The following CFAP210 variants were observed in gnomAD, a reference collection of about 807,000 sequenced individuals.
CFAP210 encodes cilia and flagella associated protein 210, also known as cilia- and flagella- associated protein 210.
At chr2:169,689,184 A>G in the CFAP210 span, among the ~76,000 whole-genome samples, 3 of 152,202 alleles carry the variant, frequency 2.0e-5, no homozygotes, top group Non-Finnish European at 4.4e-5. Flanking sequence ...GGTCCCTCCC[A>G]CAACTCATGG....
At chr2:169,661,208 C>T in the CFAP210 span, 15 of 574,200 alleles carry the variant, frequency 2.6e-5, no homozygotes, top group Non-Finnish European at 4.8e-5. Flanking sequence ...AACTTCTCAT[C>T]TGCTGGCTGC....
At chr2:169,648,336 G>T in the CFAP210 span, 1 of 167,046 alleles carries the variant, frequency 6.0e-6, no homozygotes, top group Non-Finnish European at 1.3e-5. Flanking sequence ...CATGTACAGA[G>T]TTTTAGTACA....
chr2:169,687,083 A>T, the CFAP210 span, among the ~76,000 whole-genome samples: 4 of 152,168 alleles, frequency 2.6e-5, no homozygotes, highest in Non-Finnish European at 4.4e-5. Context: ...ATTCACTATT[A>T]TAAGAATGGC....
At chr2:169,647,534 T>C in the CFAP210 span, among the ~76,000 whole-genome samples, 1 of 149,278 alleles carries the variant, frequency 6.7e-6, no homozygotes, top group Admixed American at 6.6e-5. Context: ...AACTGGAAAA[T>C]AAGGCAAAAA....
chr2:169,667,431 G>A, the CFAP210 span, among the ~76,000 whole-genome samples: 1 of 152,076 alleles, frequency 6.6e-6, no homozygotes, highest in Admixed American at 6.6e-5. Context: ...GAGCCACTGT[G>A]CCTGGCCCAA....
the CFAP210 span, among the ~76,000 whole-genome samples, chr2:169,649,813 C>T: frequency 1.3e-5 from 2 of 151,994 alleles, no homozygotes; most frequent in Admixed American, 6.6e-5. Context: ...TGCCTGTAAT[C>T]TCAGCTACTC....
chr2:169,650,175 C>T, the CFAP210 span, among the ~76,000 whole-genome samples: 1 of 152,118 alleles, frequency 6.6e-6, no homozygotes, highest in Non-Finnish European at 1.5e-5. Context: ...AGGAAGTAAA[C>T]ATTGTCCAAT....
At chr2:169,680,389 A>G in the CFAP210 span, among the ~76,000 whole-genome samples, 1 of 152,204 alleles carries the variant, frequency 6.6e-6, no homozygotes, top group Non-Finnish European at 1.5e-5. Context: ...AAAGACAGCT[A>G]TTCTACACGA....
At chr2:169,671,370 T>G in the CFAP210 span, among the ~76,000 whole-genome samples, 1 of 152,198 alleles carries the variant, frequency 6.6e-6, no homozygotes, top group Non-Finnish European at 1.5e-5. Flanking sequence ...GGTCAGATAC[T>G]CATTTTACAT....
chr2:169,681,143 T>C, the CFAP210 span: 2 of 1,613,680 alleles, frequency 1.2e-6, no homozygotes, highest in Non-Finnish European at 1.7e-6. Flanking sequence ...TTTCCACTCA[T>C]CGTGTGGAAT....
chr2:169,669,332 T>C, the CFAP210 span, among the ~76,000 whole-genome samples: 2 of 152,228 alleles, frequency 1.3e-5, no homozygotes, highest in African/African-American at 4.8e-5. Flanking sequence ...GGCCAGATCA[T>C]ACAGAGCCTT....
the CFAP210 span, among the ~76,000 whole-genome samples, chr2:169,687,797 G>A: frequency 1.3e-5 from 2 of 152,208 alleles, no homozygotes; most frequent in Non-Finnish European, 2.9e-5. Context: ...GGGACTCTAC[G>A]TGGGAGCTCC....
At chr2:169,667,461 G>T in the CFAP210 span, among the ~76,000 whole-genome samples, 2 of 152,096 alleles carry the variant, frequency 1.3e-5, no homozygotes, top group Non-Finnish European at 2.9e-5. Context: ...ATGGCAACTG[G>T]AATGGTGAAT....
the CFAP210 span, among the ~76,000 whole-genome samples, chr2:169,679,991 G>A: frequency 1.3e-5 from 2 of 151,962 alleles, no homozygotes; most frequent in African/African-American, 2.4e-5. Context: ...ATATAGAGTG[G>A]GAGAAAATAT....
chr2:169,646,401 C>G, the CFAP210 span, among the ~76,000 whole-genome samples: 2 of 152,140 alleles, frequency 1.3e-5, no homozygotes, highest in Non-Finnish European at 2.9e-5. Flanking sequence ...TTATGTGATA[C>G]ATTTGCAAAT....
At chr2:169,654,260 T>C in the CFAP210 span, 1 of 1,477,038 alleles carries the variant, frequency 6.8e-7, no homozygotes, top group Non-Finnish European at 9.1e-7. Context: ...AAGAAAAATA[T>C]CTTTCAACAT....
At chr2:169,649,033 C>A in the CFAP210 span, 1 of 601,102 alleles carries the variant, frequency 1.7e-6, no homozygotes. Flanking sequence ...TAGAAACAAA[C>A]CTCACATTTT....
the CFAP210 span, among the ~76,000 whole-genome samples, chr2:169,663,299 AG>A: frequency 6.7e-6 from 1 of 150,196 alleles, no homozygotes. Flanking sequence ...CTGAAAAGGT[AG>A]GCATAGGGCA....
At chr2:169,653,019 A>G in the CFAP210 span, among the ~76,000 whole-genome samples, 1 of 61,882 alleles carries the variant, frequency 1.6e-5, no homozygotes, top group Non-Finnish European at 3.0e-5. Context: ...AAAAAAAAAA[A>G]AAAAAAAAAA....
Sources: allele counts gnomAD v4.1 joint callset (sites outside exome capture counted in the v4.1 genomes callset), GRCh38; gene constraint gnomAD v4.1.1; transcripts MANE v1.5; gene names NCBI Gene and HGNC (gene_info 2026-07-23, HGNC 2026-07-21).